The following TXNRD1 variants were observed in gnomAD, a reference collection of about 807,000 sequenced individuals.
TXNRD1 encodes thioredoxin reductase 1.
A neutral mutation model predicts 80.3 loss-of-function variants in TXNRD1; 57 were observed. That is an observed-to-expected ratio of 0.71 (90% CI 0.57 to 0.89). TXNRD1 has a LOEUF of 0.89. Among genes scored for constraint, TXNRD1 ranks in the 40% least tolerant of loss-of-function variants. The pLI, the probability that TXNRD1 is intolerant of heterozygous loss-of-function variation, is 0.00. For synonymous variants in TXNRD1, 291 were observed against 285.2 expected (o/e 1.02, Z -0.20); for missense variants, 730 against 803.0 (o/e 0.91, Z 1.10).
chr12:104,312,754 G>A (rs2035184837), intron 5 of TXNRD1, among the ~76,000 whole-genome samples: 1 of 152,122 alleles, frequency 6.6e-6, no homozygotes, highest in African/African-American at 2.4e-5. Flanking sequence ...AGGAAATCTT[G>A]TAATACAGAA....
chr12:104,340,911 A>G (rs1399927008), intron 16 of TXNRD1, among the ~76,000 whole-genome samples: 2 of 152,144 alleles, frequency 1.3e-5, no homozygotes, highest in Admixed American at 1.3e-4. Flanking sequence ...GCCATTTTTG[A>G]TAGGGACGAA....
At chr12:104,265,530 G>A in intron 3 of TXNRD1, 1 of 1,610,978 alleles carries the variant, frequency 6.2e-7, no homozygotes, top group Admixed American at 1.7e-5. Context: ...CCCCCCTGCG[G>A]GTGAAGAACT....
At chr12:104,281,712 C>T (rs1310112592) in intron 3 of TXNRD1, among the ~76,000 whole-genome samples, 1 of 151,876 alleles carries the variant, frequency 6.6e-6, no homozygotes, top group Non-Finnish European at 1.5e-5. Flanking sequence ...GGCCATATCT[C>T]CACTTTTAAG....
At chr12:104,254,969 G>A (rs909889548) in intron 2 of TXNRD1, among the ~76,000 whole-genome samples, 3 of 151,886 alleles carry the variant, frequency 2.0e-5, no homozygotes, top group African/African-American at 7.3e-5. Context: ...GCCAGGCATG[G>A]TGGTGAATGC....
At chr12:104,266,662 C>G (rs886318183) in intron 3 of TXNRD1, among the ~76,000 whole-genome samples, 31 of 151,012 alleles carry the variant, frequency 2.1e-4, no homozygotes, top group African/African-American at 7.3e-4. Flanking sequence ...GAAACCCTGT[C>G]TCTACTAAAA....
Position 104,251,640 on chromosome 12 carries a change from G to A in TXNRD1, c.205G>A (p.Val69Ile), listed in dbSNP as rs2033120504. The A allele has an allele frequency of 1.9e-6, 3 of 1,613,934 alleles. No homozygotes were observed. Among genetic ancestry groups the A allele is most frequent in the Non-Finnish European group, 2.5e-6 (3 of 1,179,844 alleles). The change falls in exon 2 of 17, where the codon GTC becomes ATC. Residue 69 changes from valine (V) to isoleucine (I), a missense_variant. Val to Ile is a conservative substitution (Grantham distance 29). Transcript: ENST00000525566. The part of the protein sequence containing the change: ...LQAYIDGHSV[V>I]IFSRSTCTRC... ...GGCCTATATAGATGGTCACTCTGTG[G>A]TCATCTTCAGTAGGTCCACATGCAC...
chr12:104,252,985 A>G (rs1371259562), intron 2 of TXNRD1, among the ~76,000 whole-genome samples: 1 of 151,862 alleles, frequency 6.6e-6, no homozygotes, highest in African/African-American at 2.4e-5. Flanking sequence ...TACAGGCGTG[A>G]GCCACCGCGC....
In TXNRD1 at chr12:104,251,661, T is replaced by G; in HGVS notation, c.226T>G (p.Cys76Gly). The G allele has an allele frequency of 1.2e-6, 2 of 1,613,970 alleles. No homozygotes were observed. The highest frequency in any genetic ancestry group is 3.3e-5 in the Admixed American group (2 of 60,002). The change falls in exon 2 of 17, where the codon TGC (cysteine) becomes GGC (glycine). Residue 76 changes from cysteine (C) to glycine (G), a missense_variant. Coordinates refer to ENST00000525566, the MANE Select transcript of TXNRD1 (RefSeq NM_001093771.3). ...HSVVIFSRSTCTRCTEVKKLF... is the reference protein window; with the variant it reads ...HSVVIFSRSTGTRCTEVKKLF... ...TGTGGTCATCTTCAGTAGGTCCACA[T>G]GCACACGCTGTACTGAGGTAAGGCT...
chr12:104,348,463 C>T lies in TXNRD1; in HGVS notation c.*42C>T. Reference sequence around the variant, plus strand: ...TGTTGCCAAGACTGCAAACCACTGGCTCGTTTCCGTGCCCAAATCCAAGGC... The same window carrying T: ...TGTTGCCAAGACTGCAAACCACTGGTTCGTTTCCGTGCCCAAATCCAAGGC... On this transcript the variant is annotated 3_prime_UTR_variant, in exon 17 of 17. Coordinates refer to ENST00000525566, the MANE Select transcript of TXNRD1 (RefSeq NM_001093771.3). 6.2e-7 allele frequency: 1 copy of T among 1,600,572 alleles called. No homozygotes were observed. The highest frequency in any genetic ancestry group is 8.6e-7 in the Non-Finnish European group (1 of 1,168,252).
intron 1 of TXNRD1, among the ~76,000 whole-genome samples, chr12:104,250,936 C>T (rs1286229715): frequency 1.3e-5 from 2 of 152,188 alleles, no homozygotes; most frequent in African/African-American, 4.8e-5. Flanking sequence ...TACCACTAAG[C>T]TGGATCATGT....
At chr12:104,277,263 G>T (rs1043050129) in intron 3 of TXNRD1, among the ~76,000 whole-genome samples, 7 of 151,700 alleles carry the variant, frequency 4.6e-5, no homozygotes, top group Non-Finnish European at 1.0e-4. Flanking sequence ...AGCTGGGTGT[G>T]GTGGCGGGCG....
chr12:104,345,611 G>T (rs190679322), intron 16 of TXNRD1, among the ~76,000 whole-genome samples: 6 of 152,240 alleles, frequency 3.9e-5, no homozygotes, highest in South Asian at 2.1e-4. Context: ...CACCTGAGCC[G>T]CAGTCATTGA....
chr12:104,228,868 C>T (rs1253604456), intron 1 of TXNRD1, among the ~76,000 whole-genome samples: 3 of 151,810 alleles, frequency 2.0e-5, no homozygotes, highest in East Asian at 2.0e-4. Flanking sequence ...TACAGGCGCC[C>T]GCCACCACAC....
At chr12:104,297,267 T>G (rs2135766191) in intron 4 of TXNRD1, among the ~76,000 whole-genome samples, 1 of 148,102 alleles carries the variant, frequency 6.8e-6, no homozygotes, top group East Asian at 2.0e-4. Context: ...ATCCTGCCAT[T>G]GCACTCCAGC....
At chr12:104,292,324 G>T (rs2034248365) in intron 4 of TXNRD1, among the ~76,000 whole-genome samples, 2 of 152,024 alleles carry the variant, frequency 1.3e-5, no homozygotes, top group South Asian at 4.2e-4. Flanking sequence ...AATTATGCAT[G>T]CCCAGGCTTT....
At chr12:104,334,484 G>C (rs999438237) in intron 15 of TXNRD1, among the ~76,000 whole-genome samples, 152 bp downstream of exon 15, 4 of 152,078 alleles carry the variant, frequency 2.6e-5, no homozygotes, top group African/African-American at 9.7e-5. Flanking sequence ...CCGGGTTCAA[G>C]TGATTCTCCT....
chr12:104,313,187 C>G lies in TXNRD1; in HGVS notation c.538-58C>G, dbSNP rs1197796359. The stretch of plus-strand genomic sequence containing the variant: ...AAAAAAATCATGGATTTTTAACAGC[C>G]CATTTCCAATCTGTCATGTTAACCT... On this transcript the variant is annotated intron_variant, in intron 5 of 16. Transcript: ENST00000525566. 2.9e-6 allele frequency: 4 copies of G among 1,363,304 alleles called. No homozygotes were observed. The African/African-American group carries it at 5.8e-5, about 20-fold the overall frequency. 84.5% of individuals were successfully genotyped at this position (1,363,304 alleles called of 1,614,324 possible).
chr12:104,260,668 C>A (rs925395282), intron 3 of TXNRD1, among the ~76,000 whole-genome samples: 1 of 152,134 alleles, frequency 6.6e-6, no homozygotes, highest in Non-Finnish European at 1.5e-5. Context: ...CCTAAATACT[C>A]CATAGTATGA....
chr12:104,303,712 T>A, intron 4 of TXNRD1: 1 of 673,358 alleles, frequency 1.5e-6, no homozygotes, highest in South Asian at 2.7e-5. Context: ...TGGGGGCGGG[T>A]CGCGCCGGGC....
Sources: gnomAD v4.1 joint callset for allele counts (sites outside exome capture counted in the v4.1 genomes callset) on GRCh38, gnomAD v4.1.1 for gene constraint, MANE v1.5 for transcripts, NCBI Gene and HGNC (gene_info 2026-07-23, HGNC 2026-07-21) for gene names.